Variants in GMIP observed in about 807,000 individuals in gnomAD.
GMIP encodes GEM interacting protein, also known as GEM-interacting protein.
Under a neutral mutation model 105.3 loss-of-function variants are expected in GMIP, and 54 were observed. The ratio of observed to expected loss-of-function variants is 0.51; its 90% CI spans 0.41 to 0.64. The LOEUF is 0.64. Among genes scored for constraint, GMIP ranks in the 30% least tolerant of loss-of-function variants. The pLI is 0.00. For synonymous variants in GMIP, 541 were observed against 560.8 expected, an observed-to-expected ratio of 0.96 and a Z score of 0.50; for missense variants, 1,110 against 1,319.4, an observed-to-expected ratio of 0.84 and a Z score of 2.46.
chr19:19,636,088 C>T (rs1251354252), intron 13 of GMIP, among the ~76,000 whole-genome samples: 1 of 151,736 alleles, frequency 6.6e-6, no homozygotes, highest in Non-Finnish European at 1.5e-5. Context: ...CCTGTAGTCC[C>T]AGCTACTCGG....
intron 4 of GMIP, 21 bp from the exon 5 acceptor site, chr19:19,640,592 T>A: frequency 1.2e-6 from 2 of 1,613,542 alleles, no homozygotes; most frequent in South Asian, 2.2e-5. Flanking sequence ...TGGATGGACC[T>A]CTGACCTTTG....
intron 1 of GMIP, 48 bp downstream of exon 1, chr19:19,643,463 A>G: frequency 1.3e-6 from 2 of 1,502,456 alleles, no homozygotes; most frequent in Non-Finnish European, 1.8e-6. Context: ...CAATGTAGGA[A>G]GCAGGGGATG....
chr19:19,630,117 G>C lies in GMIP; in HGVS notation c.2759C>G (p.Pro920Arg). ...GRGPSPAAAS[P>R]EGSPLRRTPL... ...GGTGCGGCGCAGGGGGCTGCCCTCA[G>C]GGGAGGCAGCTGCAGGGCTGGGCCC... Residue 920 changes from proline (P) to arginine (R), a missense_variant, in exon 21 of 21, where the codon CCT (proline) becomes CGT (arginine). Physicochemically the swap from Pro to Arg is moderately radical, Grantham distance 103. This residue lies in a region of GMIP where 394 missense variants were observed against 450.5 expected (regional missense o/e 0.87). Coordinates refer to ENST00000203556, the MANE Select transcript of GMIP (RefSeq NM_016573.4). This position sits in a 1 kb window ranked among gnomAD's most constrained non-coding sequence, Gnocchi z 4.8. The C allele has an allele frequency of 1.2e-6, 2 of 1,608,302 alleles. No homozygotes were observed. The highest frequency in any genetic ancestry group is 1.7e-6 in the Non-Finnish European group (2 of 1,176,924).
In GMIP at chr19:19,638,234, C is replaced by T. The variant is rs775365065; in HGVS notation, c.714G>A (p.Ser238=). ...TAGGTCCCGGCGAGGCCTGGGGGGC[C>T]GAGTCCTCAGGGGACCCCTGGGAGC... The part of the protein sequence containing the change: ...RARSQGSPED[S]APQASPGPSK... The change falls in exon 9 of 21, where the codon TCG becomes TCA. Residue 238 remains serine, a synonymous_variant. Transcript: ENST00000203556. The T allele has an allele frequency of 2.5e-6, 4 of 1,601,088 alleles. No individual in the cohort carries two copies. Among genetic ancestry groups the T allele is most frequent in the Admixed American group, 3.3e-5 (2 of 59,706 alleles).
chr19:19,630,092 G>C lies in GMIP; in HGVS notation c.2784C>G (p.Thr928=), dbSNP rs1302462433. 6.2e-7 allele frequency: 1 copy of C among 1,611,078 alleles called. No individual in the cohort carries two copies. Among genetic ancestry groups the C allele is most frequent in the Admixed American group, 1.7e-5 (1 of 59,518 alleles). Residue 928 remains threonine, a synonymous_variant, in exon 21 of 21, where the codon ACC becomes ACG. Coordinates refer to ENST00000203556, the MANE Select transcript of GMIP (RefSeq NM_016573.4). This position sits in a 1 kb window ranked among gnomAD's most constrained non-coding sequence, Gnocchi z 4.8. ...TAATCTCAAAATGCTTGGGCAGCGG[G>C]GTGCGGCGCAGGGGGCTGCCCTCAG... The part of the protein sequence containing the change: ...ASPEGSPLRR[T]PLPKHFEITQ...
At position 19,635,822 on chromosome 19, in the gene GMIP, C is replaced by A; in HGVS notation, c.1328-101G>T. On this transcript the variant is annotated intron_variant, in intron 13 of 20. Coordinates refer to ENST00000203556, the MANE Select transcript of GMIP (RefSeq NM_016573.4). This position sits in a 1 kb window ranked among gnomAD's most constrained non-coding sequence, Gnocchi z 4.7. ...CACTAATTCCCAAGGGGTCAGAGGTCAGGAGGGGGATTGGACAGGTCAGTG... is the reference window on the plus strand; with the variant it reads ...CACTAATTCCCAAGGGGTCAGAGGTAAGGAGGGGGATTGGACAGGTCAGTG... 1 of 954,968 alleles carries A rather than the reference C, an allele frequency of 1.0e-6. No homozygotes were observed. Among genetic ancestry groups the A allele is most frequent in the South Asian group, 1.3e-5 (1 of 76,140 alleles). The allele number at this position is 954,968 out of a possible 1,614,324, so 59.2% of individuals were successfully genotyped here.
chr19:19,636,607 C>A, intron 13 of GMIP, 100 bp downstream of exon 13: 1 of 857,272 alleles, frequency 1.2e-6, no homozygotes, highest in South Asian at 1.3e-5. Flanking sequence ...TGGGGTAGGT[C>A]AGAGGTCAAA....
At chr19:19,643,233 C>A (rs2061942857) in intron 1 of GMIP, 3 of 438,710 alleles carry the variant, frequency 6.8e-6, no homozygotes. Context: ...GCACCCTGCC[C>A]CCATCACAAA....
chr19:19,643,189 T>C, intron 1 of GMIP: 1 of 344,454 alleles, frequency 2.9e-6, no homozygotes, highest in African/African-American at 2.1e-5. Flanking sequence ...CCTGTGGGGA[T>C]CCTACCGCGT....
chr19:19,641,206 G>C (rs1476506640), intron 4 of GMIP, among the ~76,000 whole-genome samples: 1 of 151,862 alleles, frequency 6.6e-6, no homozygotes, highest in Non-Finnish European at 1.5e-5. Context: ...TCAGCCTCCC[G>C]AGTATCTGGG....
rs758301199 is a variant in GMIP at position 19,640,378 on chromosome 19, C to T, written c.365-18G>A. ...CTCCAGCTCTGGGGGAAGAGAGAGC[C>T]GGGCTCTGGGTCTAGCTGGGGTCTG... On this transcript the variant is annotated intron_variant, in intron 5 of 20. Coordinates refer to ENST00000203556, the MANE Select transcript of GMIP (RefSeq NM_016573.4). The T allele has an allele frequency of 3.1e-6, 5 of 1,614,048 alleles. No individual in the cohort carries two copies. The highest frequency in any genetic ancestry group is 1.6e-4 in the Middle Eastern group (1 of 6,062).
chr19:19,636,839 C>A (rs774289013), intron 12 of GMIP, 43 bp from the exon 13 acceptor site: 2 of 1,574,064 alleles, frequency 1.3e-6, no homozygotes, highest in Non-Finnish European at 1.7e-6. Context: ...TGCTCACAAA[C>A]CCCACTCCTG....
chr19:19,631,815 G>A (rs191194766), intron 19 of GMIP, among the ~76,000 whole-genome samples: 3 of 151,254 alleles, frequency 2.0e-5, no homozygotes, highest in African/African-American at 4.9e-5. Flanking sequence ...GTGAAACCCC[G>A]TCTCTACTAA....
chr19:19,638,632 A>G (rs1353035180), intron 7 of GMIP, 150 bp from the exon 8 acceptor site: 1 of 647,700 alleles, frequency 1.5e-6, no homozygotes, highest in African/African-American at 1.8e-5. Context: ...CTTGTTGCCC[A>G]GGTTGGAGTG....
At chr19:19,641,178 T>C (rs2061915156) in intron 4 of GMIP, among the ~76,000 whole-genome samples, 1 of 151,952 alleles carries the variant, frequency 6.6e-6, no homozygotes, top group Non-Finnish European at 1.5e-5. Context: ...CCTCCTGGGT[T>C]CCCGCCATTC....
chr19:19,643,594 GAGCCC>G lies in GMIP; in HGVS notation c.-70_-66del. The G allele has an allele frequency of 7.1e-7, 1 of 1,417,552 alleles. No individual in the cohort carries two copies. The highest frequency in any genetic ancestry group is 9.5e-7 in the Non-Finnish European group (1 of 1,050,662). 87.8% of individuals were successfully genotyped at this position (1,417,552 alleles called of 1,614,324 possible). On this transcript the variant is annotated 5_prime_UTR_variant, in exon 1 of 21. Transcript: ENST00000203556. ...GATGGGGTCGCGCGCCGGCGGGGCC[GAGCCC>G]CGATTTCCTGCCGCCGCAGCCGCCG...
rs148265805 is a variant in GMIP at position 19,634,757 on chromosome 19, C to T, written c.1887+35G>A. The T allele has an allele frequency of 6.2e-4, 993 of 1,611,438 alleles. 7 individuals carry two copies. In the African/African-American group the frequency reaches 0.012, roughly 20 times the overall value. On this transcript the variant is annotated intron_variant, in intron 17 of 20. Transcript: ENST00000203556. This position sits in a 1 kb window ranked among gnomAD's most constrained non-coding sequence, Gnocchi z 6.1. ...AGTGTGGGTGGGCTGTGGAGGGCTC[C>T]TGCCCGCGTCCCCCTCAGTGTCCTG...
At position 19,637,992 on chromosome 19, in the gene GMIP, C is replaced by T; in HGVS notation, c.855G>A (p.Leu285=). ...VREANARQQD[L]EIAKQRIVSH... ...ACACGATTCGCTGCTTGGCGATCTCCAGGTCCTGCTGCCGCGCGTTGGCCT... is the reference window on the plus strand; with the variant it reads ...ACACGATTCGCTGCTTGGCGATCTCTAGGTCCTGCTGCCGCGCGTTGGCCT... Residue 285 remains leucine, a synonymous_variant, in exon 10 of 21, where the codon CTG becomes CTA. Transcript: ENST00000203556. The surrounding 1 kb of genome is among the most constrained non-coding windows in gnomAD (Gnocchi z 6.7). 1 of 1,611,010 alleles carries T rather than the reference C, an allele frequency of 6.2e-7. No homozygotes were observed. Among genetic ancestry groups the T allele is most frequent in the Non-Finnish European group, 8.5e-7 (1 of 1,179,246 alleles).
At position 19,629,703 on chromosome 19, in the gene GMIP, G is replaced by C. The variant is rs988243145; in HGVS notation, c.*260C>G. ...TGCACTGACCCTGAGTATTGACCCTGAGTGACCTCTGAGCCCGAGTGGCCC... is the reference window on the plus strand; with the variant it reads ...TGCACTGACCCTGAGTATTGACCCTCAGTGACCTCTGAGCCCGAGTGGCCC... On this transcript the variant is annotated 3_prime_UTR_variant, in exon 21 of 21. Coordinates refer to ENST00000203556, the MANE Select transcript of GMIP (RefSeq NM_016573.4). 5 of 524,924 alleles carry C rather than the reference G, an allele frequency of 9.5e-6. No homozygotes were observed. The highest frequency in any genetic ancestry group is 5.0e-4 in the Middle Eastern group (1 of 1,990). 32.5% of individuals were successfully genotyped at this position (524,924 alleles called of 1,614,324 possible). A position where few individuals can be genotyped will look rare whatever the true frequency, so the allele number is the denominator to read the frequency against.
Sources: allele counts gnomAD v4.1 joint callset (sites outside exome capture counted in the v4.1 genomes callset), GRCh38; gene constraint gnomAD v4.1.1; regional missense constraint gnomAD v4.1.1; non-coding constraint Gnocchi (gnomAD v3.1); transcripts MANE v1.5; gene names NCBI Gene and HGNC (gene_info 2026-07-23, HGNC 2026-07-21).